SLC30A9: variants seen among roughly 807,000 people sequenced by gnomAD.
The protein encoded by SLC30A9 is proton-coupled zinc antiporter SLC30A9, mitochondrial.
Under a neutral mutation model 87.5 loss-of-function variants are expected in SLC30A9, and 58 were observed. The observed-to-expected ratio is 0.66, with a 90% confidence interval of 0.54 to 0.82. The LOEUF (loss-of-function observed/expected upper bound fraction) is 0.82. SLC30A9 is among the 40% of genes least tolerant of loss of function. The pLI is 0.00. For synonymous variants in SLC30A9, 234 were observed against 233.0 expected (o/e 1.00, Z -0.04); for missense variants, 557 against 679.1 (o/e 0.82, Z 2.00).
intron 6 of SLC30A9, chr4:42,029,167 A>G (rs876910): frequency 0.73 from 268,684 of 366,922 alleles, 104,486 homozygotes; most frequent in East Asian, 0.97. Context: ...CCCCGAAGCC[A>G]CCCACCCTTC....
intron 1 of SLC30A9, among the ~76,000 whole-genome samples, chr4:42,001,063 G>A (rs1714963147): frequency 9.2e-5 from 14 of 152,046 alleles, no homozygotes; most frequent in Admixed American, 9.2e-4. Context: ...AGCAGCTGAA[G>A]TGCTTTGTAA....
intron 16 of SLC30A9, among the ~76,000 whole-genome samples, chr4:42,077,011 G>A (rs1487449515): frequency 6.6e-6 from 1 of 150,772 alleles, no homozygotes; most frequent in Non-Finnish European, 1.5e-5. Flanking sequence ...ATTCTCACAC[G>A]TTTCCTTGTT....
intron 1 of SLC30A9, among the ~76,000 whole-genome samples, chr4:41,991,518 T>C (rs1367179320): frequency 6.6e-6 from 1 of 152,202 alleles, no homozygotes; most frequent in Non-Finnish European, 1.5e-5. Flanking sequence ...TTGACACACA[T>C]TGCTTGACAC....
At chr4:42,012,100 A>G (rs1715469143) in intron 2 of SLC30A9, among the ~76,000 whole-genome samples, 1 of 152,206 alleles carries the variant, frequency 6.6e-6, no homozygotes, top group African/African-American at 2.4e-5. Flanking sequence ...GACTTCTCAG[A>G]TCAGAAATAT....
At position 42,089,953 on chromosome 4, in the gene SLC30A9, T is replaced by C. The variant is rs1441931808; in HGVS notation, c.*3827T>C. 2.0e-5 allele frequency: 3 copies of C among 152,244 alleles called. No individual in the cohort carries two copies. Among genetic ancestry groups the C allele is most frequent in the Non-Finnish European group, 2.9e-5 (2 of 68,032 alleles). The allele number at this position is 152,244 out of a possible 1,614,324, so 9.4% of individuals were successfully genotyped here. A position where few individuals can be genotyped will look rare whatever the true frequency, so the allele number is the denominator to read the frequency against. On this transcript the variant is annotated 3_prime_UTR_variant, in exon 18 of 18. Transcript: ENST00000264451. Reference sequence around the variant, plus strand: ...GTATATGGCTTTCAGTGTTACCTTATCTCATAATTTAGGTAATGATTTTTG... The same window carrying C: ...GTATATGGCTTTCAGTGTTACCTTACCTCATAATTTAGGTAATGATTTTTG...
At chr4:42,035,868 T>A (rs1281366877) in intron 7 of SLC30A9, among the ~76,000 whole-genome samples, 2 of 152,328 alleles carry the variant, frequency 1.3e-5, no homozygotes, top group East Asian at 3.9e-4. Context: ...CATGTAGATA[T>A]AGATGAGGAA....
chr4:42,086,179 C>T lies in SLC30A9; in HGVS notation c.*53C>T, dbSNP rs1718919249. 3 of 1,183,322 alleles carry T rather than the reference C, an allele frequency of 2.5e-6. No homozygotes were observed. Among genetic ancestry groups the T allele is most frequent in the Non-Finnish European group, 2.4e-6 (2 of 825,130 alleles). The allele number at this position is 1,183,322 out of a possible 1,614,324, so 73.3% of individuals were successfully genotyped here. ...GGACCTTGGAAACAAGTTTGTCCGT[C>T]CACTCTACAAAGTTTCCTCCTCTCC... On this transcript the variant is annotated 3_prime_UTR_variant, in exon 18 of 18. Coordinates refer to ENST00000264451, the MANE Select transcript of SLC30A9 (RefSeq NM_006345.4).
chr4:41,993,425 T>G (rs1055765067), intron 1 of SLC30A9, among the ~76,000 whole-genome samples: 1 of 152,138 alleles, frequency 6.6e-6, no homozygotes, highest in Non-Finnish European at 1.5e-5. Context: ...TAAAGAATTT[T>G]TACAAACCAG....
chr4:42,001,749 C>CA lies in SLC30A9; in HGVS notation c.244dup (p.Arg82LysfsTer9). ...AAGAAGGACAGGGATCACAAACACT[C>CA]AGAGTGGAAAAAGTACCATCATTTG... On this transcript the variant is annotated frameshift_variant, in exon 2 of 18. Coordinates refer to ENST00000264451, the MANE Select transcript of SLC30A9 (RefSeq NM_006345.4). LOFTEE classifies it high-confidence loss of function. 1 of 1,609,866 alleles carries CA rather than the reference C, an allele frequency of 6.2e-7. No individual in the cohort carries two copies. The highest frequency in any genetic ancestry group is 1.3e-5 in the African/African-American group (1 of 74,688).
In SLC30A9 at chr4:42,087,251, AC is replaced by A. The variant is rs1400266896; in HGVS notation, c.*1126del. The A allele has an allele frequency of 2.6e-5, 4 of 152,222 alleles. No individual in the cohort carries two copies. The highest frequency in any genetic ancestry group is 7.2e-5 in the African/African-American group (3 of 41,462). The allele number at this position is 152,222 out of a possible 1,614,324, so 9.4% of individuals were successfully genotyped here. ...CCTAAGTTATCAAGGTGGAAAAAAAACATGCAATTCAGTAATTGAAAATGTG... is the reference window on the plus strand; with the variant it reads ...CCTAAGTTATCAAGGTGGAAAAAAAAATGCAATTCAGTAATTGAAAATGTG... On this transcript the variant is annotated 3_prime_UTR_variant, in exon 18 of 18. Coordinates refer to ENST00000264451, the MANE Select transcript of SLC30A9 (RefSeq NM_006345.4).
chr4:42,082,264 A>T (rs1718771034), intron 17 of SLC30A9, among the ~76,000 whole-genome samples: 1 of 152,068 alleles, frequency 6.6e-6, no homozygotes, highest in Non-Finnish European at 1.5e-5. Flanking sequence ...ATAATAAAGC[A>T]TAATTAATCT....
chr4:42,029,914 C>T (rs1716350108), intron 6 of SLC30A9: 4 of 733,296 alleles, frequency 5.5e-6, no homozygotes, highest in Non-Finnish European at 1.0e-5. Flanking sequence ...GGACTGGGCA[C>T]CTACCTTGGT....
chr4:42,002,376 A>G (rs1292159482), intron 2 of SLC30A9, among the ~76,000 whole-genome samples: 1 of 151,922 alleles, frequency 6.6e-6, no homozygotes, highest in East Asian at 1.9e-4. Flanking sequence ...CTCATCACCC[A>G]GATAGTCAGC....
chr4:42,009,845 A>G (rs904700500), intron 2 of SLC30A9, among the ~76,000 whole-genome samples: 3 of 152,318 alleles, frequency 2.0e-5, no homozygotes, highest in South Asian at 2.1e-4. Flanking sequence ...TTGACAGTAG[A>G]TATCAGTTGT....
At chr4:42,079,702 G>T (rs2153141387) in intron 17 of SLC30A9, among the ~76,000 whole-genome samples, 1 of 151,954 alleles carries the variant, frequency 6.6e-6, no homozygotes, top group East Asian at 1.9e-4. Context: ...CCGCCTTCCA[G>T]GTTCAAGGGA....
Position 42,077,245 on chromosome 4 carries a change from A to G in SLC30A9, c.1549-967A>G, listed in dbSNP as rs150277528. Reference sequence around the variant, plus strand: ...AATTTTTGCCAGTTTGATAGGTGTGAAATAGTATCTTGTTCTAATTTTATT... The same window carrying G: ...AATTTTTGCCAGTTTGATAGGTGTGGAATAGTATCTTGTTCTAATTTTATT... On this transcript the variant is annotated intron_variant, in intron 16 of 17. Transcript: ENST00000264451. 3.6e-4 allele frequency among the ~76,000 whole-genome samples: 55 copies of G among 152,274 alleles called. No homozygotes were observed. The East Asian group carries it at 0.01, about 28-fold the overall frequency.
chr4:42,022,472 C>T (rs1392377654), intron 4 of SLC30A9, among the ~76,000 whole-genome samples: 9 of 151,862 alleles, frequency 5.9e-5, no homozygotes, highest in East Asian at 1.9e-4. Context: ...CCACCCACCT[C>T]GGCCTCTCAA....
At chr4:42,057,820 G>A (rs114942498) in intron 9 of SLC30A9, among the ~76,000 whole-genome samples, 1,925 of 152,094 alleles carry the variant, frequency 0.013, 42 homozygotes, top group African/African-American at 0.044. Context: ...ACTGAATGCC[G>A]GGGCTGGGCA....
intron 8 of SLC30A9, among the ~76,000 whole-genome samples, chr4:42,043,436 A>G (rs1173483977): frequency 1.3e-5 from 2 of 152,210 alleles, no homozygotes; most frequent in Non-Finnish European, 2.9e-5. Context: ...ACAAGTATCA[A>G]TAGCCAAATC....
Sources: allele counts gnomAD v4.1 joint callset (sites outside exome capture counted in the v4.1 genomes callset), GRCh38; gene constraint gnomAD v4.1.1; transcripts MANE v1.5; gene names NCBI Gene and HGNC (gene_info 2026-07-23, HGNC 2026-07-21).